MLIP: variants seen among roughly 807,000 people sequenced by gnomAD.
MLIP encodes muscular LMNA-interacting protein.
In MLIP, 79 loss-of-function variants were observed where a neutral mutation model predicts 84.8. The ratio of observed to expected loss-of-function variants is 0.93; its 90% CI spans 0.78 to 1.12. The LOEUF is 1.12. MLIP is among the 50% of genes most tolerant of loss of function. MLIP has a pLI of 0.00. For synonymous variants in MLIP, 504 were observed against 463.0 expected (o/e 1.09, Z -1.14); for missense variants, 1,257 against 1,160.6 (o/e 1.08, Z -1.21).
chr6:54,188,895 C>T (rs1383222729), intron 9 of MLIP, among the ~76,000 whole-genome samples: 1 of 152,142 alleles, frequency 6.6e-6, no homozygotes, highest in Non-Finnish European at 1.5e-5. Flanking sequence ...GAAGATCCTC[C>T]AAGTTACAAC....
chr6:54,123,121 G>C (rs1770608936), intron 2 of MLIP, among the ~76,000 whole-genome samples: 1 of 148,534 alleles, frequency 6.7e-6, no homozygotes, highest in African/African-American at 2.5e-5. Flanking sequence ...ATTTTTAGTA[G>C]AGACGGGGTT....
At chr6:54,083,238 T>G (rs889265364) in intron 1 of MLIP, among the ~76,000 whole-genome samples, 1 of 152,158 alleles carries the variant, frequency 6.6e-6, no homozygotes, top group African/African-American at 2.4e-5. Flanking sequence ...ACATAGTTTT[T>G]GTAGCCAAGT....
chr6:54,178,564 A>G (rs1265091966), intron 9 of MLIP, among the ~76,000 whole-genome samples: 1 of 152,124 alleles, frequency 6.6e-6, no homozygotes, highest in Non-Finnish European at 1.5e-5. Context: ...GCTTTGCTAT[A>G]TCCTGTAGGT....
At position 54,213,734 on chromosome 6, in the gene MLIP, A is replaced by AAAAAACC. The variant is rs368508685; in HGVS notation, c.2718+11503_2718+11504insAAACCAA. 1.6e-4 allele frequency among the ~76,000 whole-genome samples: 13 copies of AAAAAACC among 82,372 alleles called. 1 individual carries two copies. The highest frequency in any genetic ancestry group is 2.7e-4 in the African/African-American group (6 of 22,266). The allele number at this position is 82,372 out of a possible 152,430, so 54.0% of individuals were successfully genotyped here. On this transcript the variant is annotated intron_variant, in intron 11 of 13. Coordinates refer to ENST00000502396, the MANE Select transcript of MLIP (RefSeq NM_001281747.2). ...AAAAAAAAAAAAAAAAAAAAAAAAAAAACAACAAACAGCATATCTTGTATG... is the reference window on the plus strand; with the variant it reads ...AAAAAAAAAAAAAAAAAAAAAAAAAAAAAAACCAACAACAAACAGCATATCTTGTATG...
intron 4 of MLIP, among the ~76,000 whole-genome samples, chr6:54,140,817 A>T (rs1772231361): frequency 6.6e-6 from 1 of 152,212 alleles, no homozygotes; most frequent in African/African-American, 2.4e-5. Flanking sequence ...TGGTAACATT[A>T]TTTTACAGAA....
chr6:54,168,808 A>C (rs1474509899), intron 8 of MLIP, among the ~76,000 whole-genome samples: 1 of 151,428 alleles, frequency 6.6e-6, no homozygotes, highest in Admixed American at 6.6e-5. Flanking sequence ...TCTCAGATAC[A>C]AGTATGGAGA....
chr6:54,036,989 TA>T (rs2150294186), intron 1 of MLIP, among the ~76,000 whole-genome samples: 1 of 152,150 alleles, frequency 6.6e-6, no homozygotes, highest in East Asian at 1.9e-4. Context: ...TGGCAGGACT[TA>T]AAAATATTCT....
At chr6:54,132,187 G>T (rs997671619) in intron 3 of MLIP, among the ~76,000 whole-genome samples, 5 of 152,110 alleles carry the variant, frequency 3.3e-5, no homozygotes, top group Non-Finnish European at 7.4e-5. Flanking sequence ...CGTTTATGAT[G>T]GAATGAATGG....
At position 54,140,533 on chromosome 6, in the gene MLIP, A is replaced by G. The variant is rs550360258; in HGVS notation, c.2217+2247A>G. Among the ~76,000 whole-genome samples the G allele has an allele frequency of 2.0e-4, 30 of 152,324 alleles. 1 individual carries two copies. Among genetic ancestry groups the G allele is most frequent in the African/African-American group, 7.2e-4 (30 of 41,606 alleles). ...TCAATAGATTTCTTTGAACAGAAAAAAAAGCTTCTTATCATGGGTAAAATT... is the reference window on the plus strand; with the variant it reads ...TCAATAGATTTCTTTGAACAGAAAAGAAAGCTTCTTATCATGGGTAAAATT... On this transcript the variant is annotated intron_variant, in intron 4 of 13. Transcript: ENST00000502396.
chr6:54,044,644 T>C (rs1351530321), intron 1 of MLIP, among the ~76,000 whole-genome samples: 2 of 152,150 alleles, frequency 1.3e-5, no homozygotes, highest in Non-Finnish European at 2.9e-5. Context: ...ACGTTTTTTT[T>C]TTTTTCTTCA....
chr6:54,138,427 A>C (rs1054590650), intron 4 of MLIP, 141 bp downstream of exon 4: 17 of 893,160 alleles, frequency 1.9e-5, no homozygotes, highest in Non-Finnish European at 2.6e-5. Flanking sequence ...CGGTACCAGG[A>C]CTTGGTATAT....
intron 12 of MLIP, among the ~76,000 whole-genome samples, chr6:54,252,285 T>G (rs527592866): frequency 0.015 from 1,706 of 113,836 alleles, 30 homozygotes; most frequent in African/African-American, 0.063. Flanking sequence ...ATAACTATAA[T>G]ATATTATACC....
At chr6:54,035,980 C>A (rs1764413597) in intron 1 of MLIP, among the ~76,000 whole-genome samples, 1 of 151,886 alleles carries the variant, frequency 6.6e-6, no homozygotes, top group Non-Finnish European at 1.5e-5. Context: ...CTCAGAGGTC[C>A]AGTTTACCAT....
chr6:54,148,946 C>A (rs1305011001), intron 4 of MLIP, 110 bp from the exon 5 acceptor site: 3 of 827,262 alleles, frequency 3.6e-6, no homozygotes, highest in Non-Finnish European at 5.9e-6. Flanking sequence ...CATAATAACC[C>A]TTTTCTTCAT....
At chr6:54,021,587 C>T (rs934316956) in intron 1 of MLIP, among the ~76,000 whole-genome samples, 1 of 152,176 alleles carries the variant, frequency 6.6e-6, no homozygotes, top group African/African-American at 2.4e-5. Context: ...AAACAAGATT[C>T]TTTGCTACAC....
chr6:54,050,700 G>GT (rs1181811462), intron 1 of MLIP, among the ~76,000 whole-genome samples: 1 of 151,996 alleles, frequency 6.6e-6, no homozygotes, highest in Non-Finnish European at 1.5e-5. Flanking sequence ...AGAGAATGTT[G>GT]TTTTGCCCCA....
At chr6:54,048,322 C>A (rs1435321353) in intron 1 of MLIP, among the ~76,000 whole-genome samples, 1 of 152,164 alleles carries the variant, frequency 6.6e-6, no homozygotes, top group African/African-American at 2.4e-5. Flanking sequence ...ATGCTGAAAT[C>A]ATTATGGAAA....
intron 1 of MLIP, among the ~76,000 whole-genome samples, chr6:54,074,858 A>G (rs1582080376): frequency 6.6e-6 from 1 of 152,236 alleles, no homozygotes; most frequent in East Asian, 1.9e-4. Flanking sequence ...CACTGAAAGC[A>G]GTCAATAAAA....
At chr6:54,229,935 C>A (rs1216477240) in intron 11 of MLIP, among the ~76,000 whole-genome samples, 1 of 152,132 alleles carries the variant, frequency 6.6e-6, no homozygotes, top group Non-Finnish European at 1.5e-5. Flanking sequence ...TTCTTTGTAG[C>A]CTCAAGACTT....
Sources: gnomAD v4.1 joint callset for allele counts (sites outside exome capture counted in the v4.1 genomes callset) on GRCh38, gnomAD v4.1.1 for gene constraint, MANE v1.5 for transcripts, NCBI Gene and HGNC (gene_info 2026-07-23, HGNC 2026-07-21) for gene names.